The following PKHD1 variants were observed in gnomAD, a reference collection of about 807,000 sequenced individuals.
PKHD1 encodes the protein PKHD1 ciliary IPT domain containing fibrocystin/polyductin.
A neutral mutation model predicts 412.0 loss-of-function variants in PKHD1; 291 were observed. That is an observed-to-expected ratio of 0.71 (90% CI 0.64 to 0.78). The LOEUF is 0.78. Among genes scored for constraint, PKHD1 ranks in the 30% least tolerant of loss-of-function variants. The pLI is 0.00. For synonymous variants in PKHD1, 1,777 were observed against 1,821.5 expected (o/e 0.98, Z 0.62); for missense variants, 4,825 against 4,950.7 (o/e 0.97, Z 0.76).
At chr6:51,813,792 G>T (rs2151413579) in intron 52 of PKHD1, among the ~76,000 whole-genome samples, 1 of 151,044 alleles carries the variant, frequency 6.6e-6, no homozygotes, top group African/African-American at 2.4e-5. Context: ...TCCTCTCTGG[G>T]TGAGGCTTGT....
intron 60 of PKHD1, among the ~76,000 whole-genome samples, chr6:51,704,767 G>A (rs1779819937): frequency 6.6e-6 from 1 of 152,036 alleles, no homozygotes; most frequent in African/African-American, 2.4e-5. Flanking sequence ...ATTCAGATCT[G>A]GAGGTAGTGG....
chr6:51,896,672 T>C (rs1407495829), intron 43 of PKHD1, among the ~76,000 whole-genome samples: 1 of 152,056 alleles, frequency 6.6e-6, no homozygotes, highest in Non-Finnish European at 1.5e-5. Context: ...GAGAATGACT[T>C]TGACGAGCTG....
intron 36 of PKHD1, among the ~76,000 whole-genome samples, chr6:51,949,282 G>A (rs1003992719): frequency 2.6e-5 from 4 of 152,056 alleles, no homozygotes; most frequent in African/African-American, 4.8e-5. Flanking sequence ...ATGGATAGTC[G>A]AGGAAGCCTG....
chr6:51,649,308 G>A, intron 61 of PKHD1, 88 bp from the exon 62 acceptor site: 1 of 985,520 alleles, frequency 1.0e-6, no homozygotes, highest in Non-Finnish European at 1.6e-6. Flanking sequence ...TATTACCAGT[G>A]AAAATATTTG....
chr6:51,653,935 T>C (rs1771376099), intron 61 of PKHD1, among the ~76,000 whole-genome samples: 1 of 152,160 alleles, frequency 6.6e-6, no homozygotes, highest in Non-Finnish European at 1.5e-5. Context: ...TTAAAGACCA[T>C]ACGCAAAATA....
chr6:51,656,845 G>A (rs148010330), intron 61 of PKHD1, among the ~76,000 whole-genome samples: 88 of 151,580 alleles, frequency 5.8e-4, no homozygotes, highest in African/African-American at 1.9e-3. Context: ...TTGTAGAGAC[G>A]GGGTTTCACC....
At chr6:52,066,664 G>A (rs1433908167) in intron 11 of PKHD1, among the ~76,000 whole-genome samples, 4 of 152,094 alleles carry the variant, frequency 2.6e-5, no homozygotes, top group Non-Finnish European at 4.4e-5. Flanking sequence ...AGGCCGAAGC[G>A]AGTGGCAGGT....
chr6:51,794,319 G>A (rs4596472), intron 52 of PKHD1, among the ~76,000 whole-genome samples: 89,842 of 151,940 alleles, frequency 0.59, 27,219 homozygotes, highest in East Asian at 0.83. Flanking sequence ...TGTTGGCTGC[G>A]TGTATGTCTT....
At chr6:51,860,751 G>A (rs1370222891) in intron 48 of PKHD1, among the ~76,000 whole-genome samples, 1 of 151,854 alleles carries the variant, frequency 6.6e-6, no homozygotes, top group African/African-American at 2.4e-5. Context: ...AGCCTTACAT[G>A]TTGTTTTTCT....
intron 37 of PKHD1, among the ~76,000 whole-genome samples, chr6:51,921,869 C>T (rs1042337447): frequency 7.9e-5 from 12 of 152,216 alleles, no homozygotes; most frequent in East Asian, 3.9e-4. Context: ...GTGAGGGATT[C>T]GAACATCCTC....
Position 51,799,278 on chromosome 6 carries a change from A to G in PKHD1, c.8303-7905T>C, listed in dbSNP as rs539969431. ...TTAGTCTTATTTCTTTTGGTGCCACACTCTTCACTTTGAAATTCCCTGGAT... is the reference window on the plus strand; with the variant it reads ...TTAGTCTTATTTCTTTTGGTGCCACGCTCTTCACTTTGAAATTCCCTGGAT... On this transcript the variant is annotated intron_variant, in intron 52 of 66. Coordinates refer to ENST00000371117, the MANE Select transcript of PKHD1 (RefSeq NM_138694.4). Among the ~76,000 whole-genome samples, 8 of 151,732 alleles carry G rather than the reference A, an allele frequency of 5.3e-5. No individual in the cohort carries two copies. In the South Asian group the frequency reaches 1.5e-3, roughly 28 times the overall value.
chr6:51,630,655 G>A (rs539757728), intron 65 of PKHD1, among the ~76,000 whole-genome samples: 7 of 152,128 alleles, frequency 4.6e-5, no homozygotes, highest in Non-Finnish European at 5.9e-5. Context: ...CAGGCACAGA[G>A]AGCATATAGC....
chr6:51,692,097 T>C (rs773626813), intron 60 of PKHD1, among the ~76,000 whole-genome samples: 5 of 152,166 alleles, frequency 3.3e-5, no homozygotes, highest in Non-Finnish European at 5.9e-5. Context: ...TTCTTCATCA[T>C]TCACTTAATG....
At chr6:52,017,889 A>G (rs1451224522) in intron 33 of PKHD1, among the ~76,000 whole-genome samples, 1 of 152,186 alleles carries the variant, frequency 6.6e-6, no homozygotes, top group Non-Finnish European at 1.5e-5. Context: ...CTTATAATAC[A>G]CTTAAATCTG....
In PKHD1 at chr6:51,981,306, TCAA is replaced by T. The variant is rs1562045550; in HGVS notation, c.5752-21283_5752-21281del. ...AGCCCTTTTAGAGAGGCTCCAAAGC[TCAA>T]GCTCTCCCTCTCCCTCTCCCTCTCC... On this transcript the variant is annotated intron_variant, in intron 35 of 66. Transcript: ENST00000371117. Among the ~76,000 whole-genome samples the T allele has an allele frequency of 6.0e-4, 19 of 31,832 alleles. 2 individuals carry two copies. The highest frequency in any genetic ancestry group is 1.1e-3 in the African/African-American group (18 of 15,836). 20.9% of individuals were successfully genotyped at this position (31,832 alleles called of 152,430 possible). A position where few individuals can be genotyped will look rare whatever the true frequency, so the allele number is the denominator to read the frequency against.
intron 50 of PKHD1, among the ~76,000 whole-genome samples, chr6:51,840,584 C>A (rs565650149): frequency 1.1e-4 from 16 of 151,598 alleles, no homozygotes; most frequent in African/African-American, 3.9e-4. Context: ...TTTCCCAGAC[C>A]CTGCCACAGA....
intron 36 of PKHD1, among the ~76,000 whole-genome samples, chr6:51,938,761 C>T (rs758275242): frequency 6.1e-4 from 93 of 151,702 alleles, no homozygotes; most frequent in African/African-American, 1.5e-3. Flanking sequence ...CTCTTTGTTC[C>T]GTGAGAAAGA....
intron 35 of PKHD1, among the ~76,000 whole-genome samples, chr6:52,006,647 G>A (rs926858816): frequency 3.9e-4 from 59 of 152,120 alleles, no homozygotes; most frequent in Admixed American, 3.9e-3. Context: ...AAAGTGCTGG[G>A]ATTACAGGCA....
chr6:52,053,797 G>A (rs182405750), intron 20 of PKHD1, among the ~76,000 whole-genome samples: 32 of 152,200 alleles, frequency 2.1e-4, no homozygotes, highest in African/African-American at 4.8e-4. Flanking sequence ...CCCCAACTAC[G>A]CTGTTCTACA....
Sources: gnomAD v4.1 joint callset for allele counts (sites outside exome capture counted in the v4.1 genomes callset) on GRCh38, gnomAD v4.1.1 for gene constraint, MANE v1.5 for transcripts, NCBI Gene and HGNC (gene_info 2026-07-23, HGNC 2026-07-21) for gene names.